The following STXBP5 variants were observed in gnomAD, a reference collection of about 807,000 sequenced individuals.
The protein encoded by STXBP5 is syntaxin-binding protein 5.
A neutral mutation model predicts 152.4 loss-of-function variants in STXBP5; 50 were observed. The observed-to-expected ratio is 0.33, with a 90% confidence interval of 0.26 to 0.42. STXBP5 has a LOEUF of 0.42. Ranked by LOEUF, STXBP5 falls within the 10% of genes least tolerant of loss-of-function variation. STXBP5 has a pLI of 1.00. For synonymous variants in STXBP5, 492 were observed against 494.7 expected (o/e 0.99, Z 0.07); for missense variants, 1,167 against 1,388.6 (o/e 0.84, Z 2.54).
chr6:147,235,387 T>TTATATCCAAAATAGGGCCA, intron 3 of STXBP5, 56 bp downstream of exon 3: 2 of 1,393,538 alleles, frequency 1.4e-6, no homozygotes, highest in Non-Finnish European at 2.0e-6. Flanking sequence ...CCACTTCTAG[T>TTATATCCAAAATAGGGCCA]CTTTCAGATT....
At chr6:147,291,945 C>T (rs148417233) in intron 9 of STXBP5, among the ~76,000 whole-genome samples, 92 of 152,126 alleles carry the variant, frequency 6.0e-4, no homozygotes, top group Non-Finnish European at 1.2e-3. Flanking sequence ...TTGCCAACAG[C>T]ATTAGCTGAG....
At chr6:147,211,400 C>T (rs62435615) in intron 2 of STXBP5, among the ~76,000 whole-genome samples, 31,003 of 151,548 alleles carry the variant, frequency 0.2, 3,979 homozygotes, top group Admixed American at 0.35. Context: ...GAAAGTTTCT[C>T]ACATATGGTA....
intron 4 of STXBP5, among the ~76,000 whole-genome samples, chr6:147,259,454 C>G (rs1779540945): frequency 6.6e-6 from 1 of 152,056 alleles, no homozygotes; most frequent in Non-Finnish European, 1.5e-5. Flanking sequence ...ATAAAACACT[C>G]AACAGAAATT....
intron 21 of STXBP5, 131 bp downstream of exon 21, chr6:147,339,515 G>T: frequency 1.5e-6 from 1 of 654,654 alleles, no homozygotes; most frequent in South Asian, 3.3e-5. Flanking sequence ...TAATCTCTTG[G>T]GCTGTGTCTC....
chr6:147,316,479 C>A, intron 16 of STXBP5, 72 bp downstream of exon 16: 2 of 1,283,324 alleles, frequency 1.6e-6, no homozygotes, highest in Non-Finnish European at 2.0e-6. Flanking sequence ...AGCATTAGAG[C>A]TATGGTAACA....
intron 2 of STXBP5, among the ~76,000 whole-genome samples, chr6:147,211,006 GT>G (rs1397475630): frequency 6.6e-6 from 1 of 152,176 alleles, no homozygotes; most frequent in East Asian, 1.9e-4. Flanking sequence ...TTTTCTTTGA[GT>G]TTGTTTTTAA....
intron 21 of STXBP5, among the ~76,000 whole-genome samples, chr6:147,344,490 TC>T: frequency 6.6e-6 from 1 of 152,334 alleles, no homozygotes; most frequent in East Asian, 1.9e-4. Context: ...CTTAAACAAT[TC>T]GGGAGGTTAG....
chr6:147,388,194 C>A lies in STXBP5; in HGVS notation c.*3439C>A, dbSNP rs1180165007. ...TTATTATCATTTAATCCACATTGCT[C>A]AGTTTAAACCAAGTGATACATGTGT... On this transcript the variant is annotated 3_prime_UTR_variant, in exon 28 of 28. Transcript: ENST00000321680. The A allele has an allele frequency of 2.6e-5, 4 of 151,718 alleles. No homozygotes were observed. The highest frequency in any genetic ancestry group is 4.1e-4 in the South Asian group (2 of 4,830). The allele number at this position is 151,718 out of a possible 1,614,324, so 9.4% of individuals were successfully genotyped here. A position where few individuals can be genotyped will look rare whatever the true frequency, so the allele number is the denominator to read the frequency against.
Position 147,266,955 on chromosome 6 carries a change from A to G in STXBP5, c.631-129A>G, listed in dbSNP as rs540332592. 180 of 747,448 alleles carry G rather than the reference A, an allele frequency of 2.4e-4. 2 individuals are homozygous for G. The South Asian group carries it at 2.9e-3, about 12-fold the overall frequency. The allele number at this position is 747,448 out of a possible 1,614,324, so 46.3% of individuals were successfully genotyped here. ...TTACGTGATTACTAATTAGCAATGC[A>G]GATGTTTGTTTATATTATACATTTA... On this transcript the variant is annotated intron_variant, in intron 6 of 27. Coordinates refer to ENST00000321680, the MANE Select transcript of STXBP5 (RefSeq NM_001127715.4).
In STXBP5 at chr6:147,268,298, G is replaced by C. The variant is rs189411102; in HGVS notation, c.714+1131G>C. ...ATGACTTCTTTCAGTGCCATGTCTG[G>C]TGGCCATAATTTAGACATCAGGAGT... On this transcript the variant is annotated intron_variant, in intron 7 of 27. Coordinates refer to ENST00000321680, the MANE Select transcript of STXBP5 (RefSeq NM_001127715.4). Among the ~76,000 whole-genome samples the C allele has an allele frequency of 3.9e-4, 59 of 152,202 alleles. No homozygotes were observed. The East Asian group carries it at 9.3e-3, about 24-fold the overall frequency.
intron 16 of STXBP5, among the ~76,000 whole-genome samples, chr6:147,317,713 A>G (rs1782711709): frequency 6.6e-6 from 1 of 152,204 alleles, no homozygotes. Flanking sequence ...TCATACCTGT[A>G]CTAGAATATA....
intron 7 of STXBP5, among the ~76,000 whole-genome samples, chr6:147,272,186 A>AT (rs569351746): frequency 1.4e-4 from 22 of 152,256 alleles, no homozygotes; most frequent in Admixed American, 2.6e-4. Flanking sequence ...TTACCAAATA[A>AT]TACCTGTTGT....
intron 22 of STXBP5, among the ~76,000 whole-genome samples, chr6:147,356,325 T>C (rs1784814723): frequency 6.6e-6 from 1 of 152,022 alleles, no homozygotes; most frequent in African/African-American, 2.4e-5. Flanking sequence ...TCTATTACTA[T>C]CACTACATCA....
chr6:147,296,695 C>T (rs927958925), intron 9 of STXBP5, among the ~76,000 whole-genome samples: 4 of 151,982 alleles, frequency 2.6e-5, no homozygotes, highest in African/African-American at 9.7e-5. Flanking sequence ...AAAAACAAAA[C>T]TCAGCAAGAT....
chr6:147,236,978 G>A (rs1191705930), intron 3 of STXBP5, among the ~76,000 whole-genome samples: 1 of 151,822 alleles, frequency 6.6e-6, no homozygotes, highest in African/African-American at 2.4e-5. Context: ...GGGTTTCACT[G>A]TGTTGGCCAG....
intron 2 of STXBP5, among the ~76,000 whole-genome samples, chr6:147,213,600 C>G (rs1777008666): frequency 6.6e-6 from 1 of 151,876 alleles, no homozygotes; most frequent in African/African-American, 2.4e-5. Flanking sequence ...TTATGAGCTA[C>G]TGTTCCCAGC....
chr6:147,333,690 T>G (rs1006724474), intron 18 of STXBP5, among the ~76,000 whole-genome samples: 2 of 152,200 alleles, frequency 1.3e-5, no homozygotes, highest in African/African-American at 4.8e-5. Context: ...GTTGGAAATG[T>G]GACATCATGT....
chr6:147,209,621 G>A (rs1036874324), intron 2 of STXBP5, among the ~76,000 whole-genome samples: 6 of 152,098 alleles, frequency 3.9e-5, no homozygotes, highest in Non-Finnish European at 7.4e-5. Context: ...ATGAAAATGT[G>A]ATCCTTCCTT....
At chr6:147,351,988 A>C in intron 21 of STXBP5, 1 of 694,352 alleles carries the variant, frequency 1.4e-6, no homozygotes, top group Non-Finnish European at 1.8e-6. Context: ...TTCACATAGG[A>C]AGCACTTTTC....
Sources: gnomAD v4.1 joint callset for allele counts (sites outside exome capture counted in the v4.1 genomes callset) on GRCh38, gnomAD v4.1.1 for gene constraint, MANE v1.5 for transcripts, NCBI Gene and HGNC (gene_info 2026-07-23, HGNC 2026-07-21) for gene names.